The following SLC19A1 variants were observed in gnomAD, a reference collection of about 807,000 sequenced individuals.
The protein encoded by SLC19A1 is reduced folate transporter.
Under a neutral mutation model 35.3 loss-of-function variants are expected in SLC19A1, and 37 were observed. The ratio of observed to expected loss-of-function variants is 1.05; its 90% CI spans 0.81 to 1.38. The LOEUF (loss-of-function observed/expected upper bound fraction) is 1.38, where lower values mean the gene tolerates loss of function less well. Among genes scored for constraint, SLC19A1 ranks in the 40% most tolerant of loss-of-function variants. The probability of loss-of-function intolerance (pLI) is 0.00; values close to 1 mark genes in which losing one functional copy is unlikely to be tolerated. For missense variants in SLC19A1, 831 were observed against 826.9 expected (o/e 1.00, Z -0.06); for synonymous variants, 460 against 398.5 (o/e 1.15, Z -1.84).
intron 5 of SLC19A1, among the ~76,000 whole-genome samples, chr21:45,519,513 T>C (rs981865118): frequency 1.5e-5 from 2 of 134,896 alleles, no homozygotes; most frequent in Non-Finnish European, 3.0e-5. Flanking sequence ...CATGTGAACA[T>C]TAATCAAAGG....
intron 5 of SLC19A1, among the ~76,000 whole-genome samples, chr21:45,519,981 T>C (rs1412679919): frequency 1.3e-5 from 2 of 152,076 alleles, no homozygotes; most frequent in Non-Finnish European, 2.9e-5. Flanking sequence ...TCTTAACAAA[T>C]TTATAAGGAC....
At chr21:45,528,395 G>A (rs973887505) in intron 4 of SLC19A1, among the ~76,000 whole-genome samples, 7 of 152,052 alleles carry the variant, frequency 4.6e-5, no homozygotes, top group African/African-American at 7.2e-5. Context: ...GGAGGAAAGC[G>A]AGTCCCAACA....
Position 45,542,413 on chromosome 21 carries a change from C to G in SLC19A1, c.-95G>C, listed in dbSNP as rs2078341196. The G allele has an allele frequency of 6.6e-6, 1 of 151,482 alleles. No homozygotes were observed. The highest frequency in any genetic ancestry group is 1.5e-5 in the Non-Finnish European group (1 of 67,788). 9.4% of individuals were successfully genotyped at this position (151,482 alleles called of 1,614,324 possible). A position where few individuals can be genotyped will look rare whatever the true frequency, so the allele number is the denominator to read the frequency against. On this transcript the variant is annotated 5_prime_UTR_variant, in exon 1 of 6. Coordinates refer to ENST00000311124, the MANE Select transcript of SLC19A1 (RefSeq NM_194255.4). ...TGCCCTGGGGCTCCCGGACCCGGCC[C>G]CGCGCACGCGGACTCCGGGACTACA...
chr21:45,545,611 C>T (rs1209392253), upstream of SLC19A1, among the ~76,000 whole-genome samples: 3 of 152,156 alleles, frequency 2.0e-5, no homozygotes, highest in African/African-American at 7.2e-5. Context: ...CACGTACAGA[C>T]ACCACCAAGA....
chr21:45,512,187 G>A, downstream of SLC19A1: 1 of 1,611,658 alleles, frequency 6.2e-7, no homozygotes, highest in South Asian at 1.1e-5. Flanking sequence ...GCGTCTTACA[G>A]GCCCCAGAAG....
intron 5 of SLC19A1, among the ~76,000 whole-genome samples, chr21:45,521,059 G>A (rs1389349485): frequency 2.0e-5 from 3 of 151,412 alleles, no homozygotes; most frequent in African/African-American, 7.3e-5. Context: ...ATACCAGGGA[G>A]GACCATACAC....
Position 45,513,436 on chromosome 21 carries a change from G to A in SLC19A1, c.*2222C>T, listed in dbSNP as rs577973861. Reference sequence around the variant, plus strand: ...ATCCTTACCCTCCTTGGGACTGAAGGGGAACCCCGGGGTGCCCACAGGCCG... The same window carrying A: ...ATCCTTACCCTCCTTGGGACTGAAGAGGAACCCCGGGGTGCCCACAGGCCG... On this transcript the variant is annotated 3_prime_UTR_variant, in exon 6 of 6. Transcript: ENST00000311124. The A allele has an allele frequency of 3.3e-5, 5 of 152,220 alleles. No homozygotes were observed. The highest frequency in any genetic ancestry group is 7.3e-5 in the Non-Finnish European group (5 of 68,056). The allele number at this position is 152,220 out of a possible 1,614,324, so 9.4% of individuals were successfully genotyped here. A position where few individuals can be genotyped will look rare whatever the true frequency, so the allele number is the denominator to read the frequency against.
intron 5 of SLC19A1, among the ~76,000 whole-genome samples, chr21:45,518,088 A>C (rs866431187): frequency 6.6e-6 from 1 of 152,264 alleles, no homozygotes; most frequent in Admixed American, 6.5e-5. Flanking sequence ...AAAGATCTTA[A>C]AGCAGCCACC....
At chr21:45,560,720 G>A (rs1041612121) in intron 1 of SLC19A1, among the ~76,000 whole-genome samples, 3 of 152,234 alleles carry the variant, frequency 2.0e-5, no homozygotes, top group African/African-American at 7.2e-5. Flanking sequence ...TTGCGGAGTG[G>A]TGACAACAGT....
At chr21:45,509,255 C>G, downstream of SLC19A1, 1 of 1,479,664 alleles carries the variant, frequency 6.8e-7, no homozygotes. Flanking sequence ...CTTGCCAGTT[C>G]AGAGCCCAGC....
chr21:45,551,623 T>C lies in SLC19A1; in HGVS notation c.-50+11119A>G, dbSNP rs144506164. Among the ~76,000 whole-genome samples, 13 of 152,362 alleles carry C rather than the reference T, an allele frequency of 8.5e-5. No homozygotes were observed. The East Asian group carries it at 2.5e-3, about 29-fold the overall frequency. On this transcript the variant is annotated intron_variant, in intron 1 of 5. Coordinates refer to the SLC19A1 transcript ENST00000650808. ...TGGTTTAATATGTCGTTTTATAAAG[T>C]TCAGATCAAAGAACGTGGCCTAAGC...
chr21:45,512,879 C>T lies in SLC19A1; in HGVS notation c.*2779G>A. On this transcript the variant is annotated 3_prime_UTR_variant, in exon 6 of 6. Transcript: ENST00000311124. ...ACTCAGCACAAGGCCATCTGGGCTC[C>T]TCCAGGGTGTGTGCTCGCCCTGCGG... 1 of 232,816 alleles carries T rather than the reference C, an allele frequency of 4.3e-6. No homozygotes were observed. Among genetic ancestry groups the T allele is most frequent in the South Asian group, 5.5e-5 (1 of 18,220 alleles). 14.4% of individuals were successfully genotyped at this position (232,816 alleles called of 1,614,324 possible). A position where few individuals can be genotyped will look rare whatever the true frequency, so the allele number is the denominator to read the frequency against.
chr21:45,540,273 C>A lies in SLC19A1; in HGVS notation c.-50+2095G>T, dbSNP rs780383958. ...TGTCAGCAGGTTTAGACAGGCGCAC[C>A]GATCCCCAGACAACCAGAGCAACCA... is the stretch of plus-strand genomic sequence containing the variant. On this transcript the variant is annotated intron_variant, in intron 1 of 5. Transcript: ENST00000311124. This position sits in a 1 kb window ranked among gnomAD's most constrained non-coding sequence, Gnocchi z 5.5. Among the ~76,000 whole-genome samples, 8 of 152,190 alleles carry A rather than the reference C, an allele frequency of 5.3e-5. No individual in the cohort carries two copies. Among genetic ancestry groups the A allele is most frequent in the Non-Finnish European group, 8.8e-5 (6 of 68,034 alleles).
chr21:45,522,736 G>A (rs548979001), intron 5 of SLC19A1, among the ~76,000 whole-genome samples: 8 of 152,282 alleles, frequency 5.3e-5, no homozygotes, highest in South Asian at 4.1e-4. Flanking sequence ...ATCCCTAAAC[G>A]ATACACAATG....
chr21:45,541,861 G>A (rs1296424137), intron 1 of SLC19A1: 1 of 152,226 alleles, frequency 6.6e-6, no homozygotes, highest in Non-Finnish European at 1.5e-5. Flanking sequence ...ACCCGGGGGT[G>A]GGACTTGGCG....
rs2078443393 is a variant in SLC19A1 at position 45,549,431 on chromosome 21, A to C, written c.-49-11423T>G. ...TTAACAACTGCTTCTAATGGGTGCA[A>C]TTTATGGCATGTGAATTGCACCTCG... On this transcript the variant is annotated intron_variant, in intron 1 of 5. Transcript: ENST00000650808. 2.6e-5 allele frequency among the ~76,000 whole-genome samples: 4 copies of C among 151,662 alleles called. No individual in the cohort carries two copies. In the South Asian group the frequency reaches 8.4e-4, roughly 32 times the overall value.
downstream of SLC19A1, chr21:45,510,010 TG>T: frequency 6.6e-7 from 1 of 1,524,968 alleles, no homozygotes; most frequent in Non-Finnish European, 8.8e-7. Context: ...GCCCGGGGCC[TG>T]GGTGCAGGGG....
At chr21:45,539,267 A>G (rs2078229884) in intron 1 of SLC19A1, among the ~76,000 whole-genome samples, 1 of 152,190 alleles carries the variant, frequency 6.6e-6, no homozygotes. Context: ...CTGCTCCCGG[A>G]GGCCAGGCCT....
chr21:45,521,129 A>G (rs1310465052), intron 5 of SLC19A1, among the ~76,000 whole-genome samples: 1 of 152,186 alleles, frequency 6.6e-6, no homozygotes, highest in Non-Finnish European at 1.5e-5. Context: ...CCAAGAAGAG[A>G]GGCATCAGGA....
Sources: allele counts gnomAD v4.1 joint callset (sites outside exome capture counted in the v4.1 genomes callset), GRCh38; gene constraint gnomAD v4.1.1; non-coding constraint Gnocchi (gnomAD v3.1); transcripts MANE v1.5; gene names NCBI Gene and HGNC (gene_info 2026-07-23, HGNC 2026-07-21).